NRGN: variants seen among roughly 807,000 people sequenced by gnomAD.
The protein encoded by NRGN is calmodulin-binding protein.
For synonymous variants in NRGN, 47 were observed against 52.8 expected (o/e 0.89, Z 0.47); for missense variants, 82 against 123.0 (o/e 0.67, Z 1.58).
chr11:124,745,761 C>A lies in NRGN; in HGVS notation c.*5+32C>A. 1 of 1,175,802 alleles carries A rather than the reference C, an allele frequency of 8.5e-7. No homozygotes were observed. Among genetic ancestry groups the A allele is most frequent in the Non-Finnish European group, 1.1e-6 (1 of 910,090 alleles). 72.8% of individuals were successfully genotyped at this position (1,175,802 alleles called of 1,614,324 possible). A position where few individuals can be genotyped will look rare whatever the true frequency, so the allele number is the denominator to read the frequency against. ...CGGGCGGCGCGCGGCTGGCTGACAGCTGCCCTTCCCCAGCCCTCCCCAGGA... is the reference window on the plus strand; with the variant it reads ...CGGGCGGCGCGCGGCTGGCTGACAGATGCCCTTCCCCAGCCCTCCCCAGGA... On this transcript the variant is annotated intron_variant, in intron 2 of 3. Coordinates refer to ENST00000284292, the MANE Select transcript of NRGN (RefSeq NM_006176.3). This position sits in a 1 kb window ranked among gnomAD's most constrained non-coding sequence, Gnocchi z 6.4.
At chr11:124,741,992 T>C (rs1057060816) in intron 1 of NRGN, among the ~76,000 whole-genome samples, 10 of 152,194 alleles carry the variant, frequency 6.6e-5, no homozygotes, top group African/African-American at 2.4e-4. Context: ...ATTATCTCCA[T>C]GGCCCAGGGC....
In NRGN at chr11:124,740,005, A is replaced by C. The variant is rs2134443242; in HGVS notation, c.-80A>C. On this transcript the variant is annotated 5_prime_UTR_variant, in exon 1 of 4. Coordinates refer to ENST00000284292, the MANE Select transcript of NRGN (RefSeq NM_006176.3). The surrounding 1 kb of genome is among the most constrained non-coding windows in gnomAD (Gnocchi z 7.5). ...GTCGGCTGGCGGCCGACTGCCCCAGAGCCCCCACCCGGCACCACACAGACC... is the reference window on the plus strand; with the variant it reads ...GTCGGCTGGCGGCCGACTGCCCCAGCGCCCCCACCCGGCACCACACAGACC... 4 of 612,240 alleles carry C rather than the reference A, an allele frequency of 6.5e-6. No homozygotes were observed. The highest frequency in any genetic ancestry group is 3.9e-5 in the South Asian group (1 of 25,500). 37.9% of individuals were successfully genotyped at this position (612,240 alleles called of 1,614,324 possible). A position where few individuals can be genotyped will look rare whatever the true frequency, so the allele number is the denominator to read the frequency against.
At position 124,745,765 on chromosome 11, in the gene NRGN, C is replaced by T. The variant is rs759786543; in HGVS notation, c.*5+36C>T. 2 of 1,130,700 alleles carry T rather than the reference C, an allele frequency of 1.8e-6. No homozygotes were observed. The highest frequency in any genetic ancestry group is 2.3e-6 in the Non-Finnish European group (2 of 868,512). 70.0% of individuals were successfully genotyped at this position (1,130,700 alleles called of 1,614,324 possible). A position where few individuals can be genotyped will look rare whatever the true frequency, so the allele number is the denominator to read the frequency against. On this transcript the variant is annotated intron_variant, in intron 2 of 3. Transcript: ENST00000284292. The surrounding 1 kb of genome is among the most constrained non-coding windows in gnomAD (Gnocchi z 6.4). ...CGGCGCGCGGCTGGCTGACAGCTGC[C>T]CTTCCCCAGCCCTCCCCAGGAGCAG...
Position 124,745,861 on chromosome 11 carries a change from AGATGGGAGG to A in NRGN, c.*6-103_*6-95del, listed in dbSNP as rs1032772190. 7 of 427,404 alleles carry A rather than the reference AGATGGGAGG, an allele frequency of 1.6e-5. No homozygotes were observed. The highest frequency in any genetic ancestry group is 2.8e-5 in the Non-Finnish European group (7 of 254,052). 26.5% of individuals were successfully genotyped at this position (427,404 alleles called of 1,614,324 possible). A position where few individuals can be genotyped will look rare whatever the true frequency, so the allele number is the denominator to read the frequency against. On this transcript the variant is annotated intron_variant, in intron 2 of 3. Coordinates refer to ENST00000284292, the MANE Select transcript of NRGN (RefSeq NM_006176.3). The surrounding 1 kb of genome is among the most constrained non-coding windows in gnomAD (Gnocchi z 6.4). ...CTAAGGGTTGGGGGATAGAAATCCG[AGATGGGAGG>A]TGGGTGGGAAGAGGCTGAAGGTTGC...
chr11:124,741,945 C>A lies in NRGN; in HGVS notation c.15+1846C>A, dbSNP rs190837057. On this transcript the variant is annotated intron_variant, in intron 1 of 3. Coordinates refer to ENST00000284292, the MANE Select transcript of NRGN (RefSeq NM_006176.3). ...TCAGTGTCCCTTAAAAAAGGAGAGG[C>A]TACCCACCCAAAAGGTAAAAGAGAA... is the stretch of plus-strand genomic sequence containing the variant. Among the ~76,000 whole-genome samples the A allele has an allele frequency of 2.0e-3, 299 of 152,218 alleles. 2 individuals carry two copies. Among genetic ancestry groups the A allele is most frequent in the African/African-American group, 6.9e-3 (288 of 41,532 alleles).
chr11:124,741,584 A>G (rs191150146), intron 1 of NRGN, among the ~76,000 whole-genome samples: 1 of 151,918 alleles, frequency 6.6e-6, no homozygotes, highest in African/African-American at 2.4e-5. Context: ...TGGGCTCCTC[A>G]TGGAGGTTCC....
chr11:124,743,939 GT>G (rs1835826699), intron 1 of NRGN, among the ~76,000 whole-genome samples: 1 of 147,988 alleles, frequency 6.8e-6, no homozygotes. Flanking sequence ...CTAGAAGCCA[GT>G]GAGCCAGATC....
intron 1 of NRGN, among the ~76,000 whole-genome samples, chr11:124,741,524 C>T (rs1262444259): frequency 1.3e-5 from 2 of 152,114 alleles, no homozygotes; most frequent in African/African-American, 4.8e-5. Flanking sequence ...AGCCTTTTCC[C>T]TCTGCTTGTT....
chr11:124,743,781 G>A (rs1462483236), intron 1 of NRGN, among the ~76,000 whole-genome samples: 4 of 151,894 alleles, frequency 2.6e-5, no homozygotes, highest in Non-Finnish European at 4.4e-5. Flanking sequence ...TCTATGAACC[G>A]GATGGATGAT....
chr11:124,740,034 C>T lies in NRGN; in HGVS notation c.-51C>T, dbSNP rs1128993. 18 of 1,158,336 alleles carry T rather than the reference C, an allele frequency of 1.6e-5. No individual in the cohort carries two copies. Among genetic ancestry groups the T allele is most frequent in the Non-Finnish European group, 2.0e-5 (18 of 889,724 alleles). The allele number at this position is 1,158,336 out of a possible 1,614,324, so 71.8% of individuals were successfully genotyped here. The stretch of plus-strand genomic sequence containing the variant: ...CCCACCCGGCACCACACAGACCCCA[C>T]CCCCGCCCTGCGCCAGCCTTCGTCC... On this transcript the variant is annotated 5_prime_UTR_variant, in exon 1 of 4. Transcript: ENST00000284292. This position sits in a 1 kb window ranked among gnomAD's most constrained non-coding sequence, Gnocchi z 7.5.
chr11:124,741,075 T>C (rs1339816497), intron 1 of NRGN, among the ~76,000 whole-genome samples: 1 of 152,168 alleles, frequency 6.6e-6, no homozygotes, highest in African/African-American at 2.4e-5. Flanking sequence ...AGTTCTATAA[T>C]AGGTGAGACT....
intron 1 of NRGN, among the ~76,000 whole-genome samples, chr11:124,742,525 C>T (rs1268016123): frequency 6.6e-6 from 1 of 152,118 alleles, no homozygotes; most frequent in Non-Finnish European, 1.5e-5. Flanking sequence ...CCTGCATTCA[C>T]CGCGCATGAA....
chr11:124,740,028 A>T lies in NRGN; in HGVS notation c.-57A>T. 8.0e-6 allele frequency: 7 copies of T among 872,804 alleles called. No individual in the cohort carries two copies. The highest frequency in any genetic ancestry group is 1.1e-5 in the Non-Finnish European group (7 of 629,770). 54.1% of individuals were successfully genotyped at this position (872,804 alleles called of 1,614,324 possible). A position where few individuals can be genotyped will look rare whatever the true frequency, so the allele number is the denominator to read the frequency against. On this transcript the variant is annotated 5_prime_UTR_variant, in exon 1 of 4. Coordinates refer to ENST00000284292, the MANE Select transcript of NRGN (RefSeq NM_006176.3). This position sits in a 1 kb window ranked among gnomAD's most constrained non-coding sequence, Gnocchi z 7.5. Reference sequence around the variant, plus strand: ...AGAGCCCCCACCCGGCACCACACAGACCCCACCCCCGCCCTGCGCCAGCCT... The same window carrying T: ...AGAGCCCCCACCCGGCACCACACAGTCCCCACCCCCGCCCTGCGCCAGCCT...
Position 124,746,680 on chromosome 11 carries a change from C to G in NRGN, c.*300C>G, listed in dbSNP as rs1944015438. On this transcript the variant is annotated 3_prime_UTR_variant, in exon 4 of 4. Transcript: ENST00000284292. ...CTTTTGCTTCTCGCCCACCTCTTCC[C>G]GCACCCAGCATGCAGCTCTGCCTCC... 1 of 152,736 alleles carries G rather than the reference C, an allele frequency of 6.5e-6. No individual in the cohort carries two copies. The highest frequency in any genetic ancestry group is 6.5e-5 in the Admixed American group (1 of 15,288). The allele number at this position is 152,736 out of a possible 1,614,324, so 9.5% of individuals were successfully genotyped here.
rs1285735333 is a variant in NRGN, at chr11:124,740,038, C to G, written c.-47C>G. 1.6e-6 allele frequency: 2 copies of G among 1,213,366 alleles called. No individual in the cohort carries two copies. The highest frequency in any genetic ancestry group is 1.6e-5 in the African/African-American group (1 of 63,448). The allele number at this position is 1,213,366 out of a possible 1,614,324, so 75.2% of individuals were successfully genotyped here. On this transcript the variant is annotated 5_prime_UTR_variant, in exon 1 of 4. Transcript: ENST00000284292. The surrounding 1 kb of genome is among the most constrained non-coding windows in gnomAD (Gnocchi z 7.5). ...CCCGGCACCACACAGACCCCACCCC[C>G]GCCCTGCGCCAGCCTTCGTCCCCGC...
chr11:124,742,895 A>G (rs1943977402), intron 1 of NRGN, among the ~76,000 whole-genome samples: 1 of 152,172 alleles, frequency 6.6e-6, no homozygotes, highest in Non-Finnish European at 1.5e-5. Flanking sequence ...ACTCTCAGAG[A>G]TGAAGTGATG....
At position 124,745,815 on chromosome 11, in the gene NRGN, G is replaced by T. The variant is rs1251018678; in HGVS notation, c.*5+86G>T. 4 of 704,442 alleles carry T rather than the reference G, an allele frequency of 5.7e-6. No homozygotes were observed. Among genetic ancestry groups the T allele is most frequent in the Non-Finnish European group, 8.2e-6 (4 of 486,858 alleles). 43.6% of individuals were successfully genotyped at this position (704,442 alleles called of 1,614,324 possible). A position where few individuals can be genotyped will look rare whatever the true frequency, so the allele number is the denominator to read the frequency against. On this transcript the variant is annotated intron_variant, in intron 2 of 3. Transcript: ENST00000284292. The surrounding 1 kb of genome is among the most constrained non-coding windows in gnomAD (Gnocchi z 6.4). ...GGGGGAGAATAAGGGCGGGTTGGAG[G>T]TGCAGGGGGCGTGGAGGGAGCTAAG...
Position 124,745,843 on chromosome 11 carries a change from T to C in NRGN, c.*5+114T>C. 1 of 496,058 alleles carries C rather than the reference T, an allele frequency of 2.0e-6. No individual in the cohort carries two copies. Among genetic ancestry groups the C allele is most frequent in the South Asian group, 6.5e-5 (1 of 15,282 alleles). The allele number at this position is 496,058 out of a possible 1,614,324, so 30.7% of individuals were successfully genotyped here. ...CAGGGGGCGTGGAGGGAGCTAAGGG[T>C]TGGGGGATAGAAATCCGAGATGGGA... On this transcript the variant is annotated intron_variant, in intron 2 of 3. Transcript: ENST00000284292. This position sits in a 1 kb window ranked among gnomAD's most constrained non-coding sequence, Gnocchi z 6.4.
Position 124,740,906 on chromosome 11 carries a change from A to G in NRGN, c.15+807A>G, listed in dbSNP as rs148836973. ...GTATATGAAATTTATTTGTTTGCTT[A>G]TTTATTTTTTGCCTCTGCACTTGGA... is the stretch of plus-strand genomic sequence containing the variant. On this transcript the variant is annotated intron_variant, in intron 1 of 3. Transcript: ENST00000284292. The surrounding 1 kb of genome is among the most constrained non-coding windows in gnomAD (Gnocchi z 7.5). 1.3e-5 allele frequency among the ~76,000 whole-genome samples: 2 copies of G among 152,314 alleles called. No individual in the cohort carries two copies. The highest frequency in any genetic ancestry group is 4.8e-5 in the African/African-American group (2 of 41,580).
Sources: gnomAD v4.1 joint callset for allele counts (sites outside exome capture counted in the v4.1 genomes callset) on GRCh38, gnomAD v4.1.1 for gene constraint, Gnocchi (gnomAD v3.1) non-coding constraint, MANE v1.5 for transcripts, NCBI Gene and HGNC (gene_info 2026-07-23, HGNC 2026-07-21) for gene names.